CTNNA2: variants seen among roughly 807,000 people sequenced by gnomAD.
The protein encoded by CTNNA2 is catenin alpha 2, also known as catenin alpha-2.
Under a neutral mutation model 101.0 loss-of-function variants are expected in CTNNA2, and 42 were observed. The observed-to-expected ratio is 0.42, with a 90% confidence interval of 0.32 to 0.54. The LOEUF (loss-of-function observed/expected upper bound fraction) is 0.54. Among genes scored for constraint, CTNNA2 ranks in the 20% least tolerant of loss-of-function variants. The pLI, the probability that CTNNA2 is intolerant of heterozygous loss-of-function variation, is 0.14. For synonymous variants in CTNNA2, 450 were observed against 456.4 expected, an observed-to-expected ratio of 0.99 and a Z score of 0.18; for missense variants, 871 against 1,223.1, an observed-to-expected ratio of 0.71 and a Z score of 4.29.
chr2:80,187,396 T>G (rs1395290788), intron 7 of CTNNA2, among the ~76,000 whole-genome samples: 1 of 152,214 alleles, frequency 6.6e-6, no homozygotes, highest in Non-Finnish European at 1.5e-5. Flanking sequence ...AAATAGTAAT[T>G]TGTTAAGTTT....
chr2:79,549,994 G>A (rs1055756116), intron 1 of CTNNA2, among the ~76,000 whole-genome samples: 2 of 152,092 alleles, frequency 1.3e-5, no homozygotes, highest in African/African-American at 4.8e-5. Context: ...TAGATCCGTG[G>A]ACCTAGTGGA....
At chr2:79,188,180 A>G (rs1430344781) in intron 1 of CTNNA2, among the ~76,000 whole-genome samples, 1 of 152,204 alleles carries the variant, frequency 6.6e-6, no homozygotes, top group East Asian at 1.9e-4. Context: ...TTTTTCCCAA[A>G]GTACAGCAGT....
chr2:80,158,380 G>A (rs1030700422), intron 7 of CTNNA2, among the ~76,000 whole-genome samples: 1 of 152,126 alleles, frequency 6.6e-6, no homozygotes, highest in African/African-American at 2.4e-5. Flanking sequence ...AATACAAAGA[G>A]ACCTGTATGC....
At chr2:80,210,280 T>C (rs2149033822) in intron 7 of CTNNA2, among the ~76,000 whole-genome samples, 1 of 152,344 alleles carries the variant, frequency 6.6e-6, no homozygotes, top group African/African-American at 2.4e-5. Context: ...TTGTTACATA[T>C]GTATACATGT....
chr2:79,389,783 G>A (rs1678152076), intron 4 of CTNNA2, among the ~76,000 whole-genome samples: 1 of 151,914 alleles, frequency 6.6e-6, no homozygotes, highest in Admixed American at 6.6e-5. Flanking sequence ...TGTGTTTTTT[G>A]TTTTTTTCTG....
chr2:80,016,825 A>G (rs987195542), intron 7 of CTNNA2, among the ~76,000 whole-genome samples: 3 of 152,230 alleles, frequency 2.0e-5, no homozygotes, highest in African/African-American at 7.2e-5. Flanking sequence ...TGTAATGAAG[A>G]TAAATGATAA....
At chr2:80,062,549 T>C (rs962611897) in intron 7 of CTNNA2, among the ~76,000 whole-genome samples, 4 of 152,336 alleles carry the variant, frequency 2.6e-5, no homozygotes, top group Middle Eastern at 3.4e-3. Flanking sequence ...ATAAGAGCAT[T>C]GATACCTTAA....
chr2:79,948,925 G>A (rs1261049102), intron 7 of CTNNA2, among the ~76,000 whole-genome samples: 1 of 152,034 alleles, frequency 6.6e-6, no homozygotes, highest in African/African-American at 2.4e-5. Context: ...CTGAGATTGT[G>A]CCACTGCACT....
At chr2:80,071,529 C>G (rs916789716) in intron 7 of CTNNA2, among the ~76,000 whole-genome samples, 3 of 152,200 alleles carry the variant, frequency 2.0e-5, no homozygotes, top group Non-Finnish European at 4.4e-5. Context: ...TCTACTCCTG[C>G]TGTGGGCCCC....
At chr2:80,431,638 C>T (rs889994541) in intron 9 of CTNNA2, among the ~76,000 whole-genome samples, 29 of 152,208 alleles carry the variant, frequency 1.9e-4, no homozygotes, top group African/African-American at 7.0e-4. Context: ...GGTAGTTGAG[C>T]TGTTCTAAAT....
At chr2:80,345,989 A>C (rs1240436800) in intron 7 of CTNNA2, among the ~76,000 whole-genome samples, 1 of 152,152 alleles carries the variant, frequency 6.6e-6, no homozygotes, top group African/African-American at 2.4e-5. Context: ...AGGAGAAAAT[A>C]ATTTTCCATT....
At chr2:79,618,349 A>G (rs1178111665) in intron 1 of CTNNA2, among the ~76,000 whole-genome samples, 2 of 152,048 alleles carry the variant, frequency 1.3e-5, no homozygotes, top group Non-Finnish European at 2.9e-5. Context: ...TCTTTCTCTT[A>G]CAAGCACTTC....
chr2:79,231,913 C>T (rs1674498111), intron 2 of CTNNA2, among the ~76,000 whole-genome samples: 1 of 152,030 alleles, frequency 6.6e-6, no homozygotes, highest in South Asian at 2.1e-4. Flanking sequence ...ATCTTGTATC[C>T]TAAAACTTTA....
intron 3 of CTNNA2, among the ~76,000 whole-genome samples, chr2:79,341,136 T>C (rs1033818831): frequency 6.6e-6 from 1 of 152,254 alleles, no homozygotes; most frequent in Admixed American, 6.5e-5. Context: ...ACACAACTGG[T>C]GAGTGAGTTA....
intron 7 of CTNNA2, among the ~76,000 whole-genome samples, chr2:80,210,709 A>G (rs755043082): frequency 6.1e-4 from 93 of 152,334 alleles, no homozygotes; most frequent in African/African-American, 1.7e-3. Context: ...CATGATTTAT[A>G]TAATCCTTTG....
chr2:79,724,814 CAAAAA>C (rs60016527), intron 2 of CTNNA2, among the ~76,000 whole-genome samples: 52 of 74,076 alleles, frequency 7.0e-4, no homozygotes, highest in Middle Eastern at 0.018. Flanking sequence ...GACTCCACCT[CAAAAA>C]AAAAAAAAAA....
chr2:80,153,433 C>A (rs765698558), intron 7 of CTNNA2, among the ~76,000 whole-genome samples: 1 of 152,196 alleles, frequency 6.6e-6, no homozygotes, highest in African/African-American at 2.4e-5. Flanking sequence ...ATGCCTCACA[C>A]TGACAAAAAT....
rs368644327 is a variant in CTNNA2, at chr2:79,622,744, ACTT to A, written c.-5-28801_-5-28799del. ...GCTTAGCCATTCCCTCTGGCCTCGG[ACTT>A]CTTCTTTCCCAGCCTTCTGGATGCA... is the stretch of plus-strand genomic sequence containing the variant. On this transcript the variant is annotated intron_variant, in intron 1 of 18. Transcript: ENST00000402739. 3.5e-4 allele frequency among the ~76,000 whole-genome samples: 54 copies of A among 152,252 alleles called. No homozygotes were observed. The South Asian group carries it at 8.7e-3, about 25-fold the overall frequency.
intron 2 of CTNNA2, among the ~76,000 whole-genome samples, chr2:79,237,919 A>G (rs1674577870): frequency 6.6e-6 from 1 of 152,134 alleles, no homozygotes; most frequent in South Asian, 2.1e-4. Flanking sequence ...CTTTCTCCAT[A>G]TCAACAATAA....
Sources: gnomAD v4.1 joint callset for allele counts (sites outside exome capture counted in the v4.1 genomes callset) on GRCh38, gnomAD v4.1.1 for gene constraint, MANE v1.5 for transcripts, NCBI Gene and HGNC (gene_info 2026-07-23, HGNC 2026-07-21) for gene names.